FRMPD4: variants seen among roughly 807,000 people sequenced by gnomAD.
FRMPD4 encodes FERM and PDZ domain-containing protein 4.
Under a neutral mutation model 94.1 loss-of-function variants are expected in FRMPD4, and 22 were observed. The observed-to-expected ratio is 0.23, with a 90% CI of 0.17 to 0.33. The LOEUF (loss-of-function observed/expected upper bound fraction) is 0.33. Among genes scored for constraint, FRMPD4 ranks in the 10% least tolerant of loss-of-function variants. FRMPD4 has a pLI of 1.00. For synonymous variants in FRMPD4, 631 were observed against 548.6 expected (o/e 1.15, Z -2.10); for missense variants, 1,111 against 1,339.9 (o/e 0.83, Z 2.67).
chrX:12,693,839 G>T (rs940160842), intron 8 of FRMPD4, among the ~76,000 whole-genome samples: 1 of 111,826 alleles, frequency 8.9e-6, no homozygotes, highest in South Asian at 3.8e-4. Flanking sequence ...CTTCTTCCAA[G>T]GACTGCCCTC....
At chrX:11,998,173 C>G (rs185396006) in intron 3 of FRMPD4, among the ~76,000 whole-genome samples, 8 of 111,601 alleles carry the variant, frequency 7.2e-5, no homozygotes, top group Non-Finnish European at 1.3e-4. Flanking sequence ...TGATTCCCAC[C>G]CCCTGCAAGG....
Position 12,721,449 on chromosome X carries a change from G to C in FRMPD4, c.4880G>C (p.Arg1627Thr). The C allele has an allele frequency of 4.0e-6, 3 of 755,141 alleles. No homozygotes were observed. The South Asian group carries it at 2.0e-4, about 51-fold the overall frequency. 62.2% of individuals were successfully genotyped at this position (755,141 alleles called of 1,213,427 possible). The change falls in exon 17 of 17, where the codon AGG (arginine) becomes ACG (threonine). Residue 1627 changes from arginine to threonine, a missense_variant. Arg to Thr is a moderately conservative substitution (Grantham distance 71). Around this residue, in one of 8 missense-constraint regions of FRMPD4, gnomAD observed 551 missense variants for 591.6 expected, o/e 0.93. Transcript: ENST00000675598. ...LCLVRATKEK[R>T]EESRPEAYDL... ...CTCGTCAGGGCAACCAAGGAGAAGA[G>C]GGAGGAGTCACGCCCTGAAGCGTAC... is the stretch of plus-strand genomic sequence containing the variant.
intron 1 of FRMPD4, among the ~76,000 whole-genome samples, chrX:12,313,884 T>C (rs193165535): frequency 1.1e-4 from 12 of 112,132 alleles, no homozygotes; most frequent in African/African-American, 3.9e-4. Flanking sequence ...CTAAAATTTC[T>C]CAGTCTTCAA....
chrX:12,430,958 G>T (rs1601936171), intron 1 of FRMPD4, among the ~76,000 whole-genome samples: 1 of 112,363 alleles, frequency 8.9e-6, no homozygotes, highest in African/African-American at 3.2e-5. Context: ...GGCTTCAGAG[G>T]AGTATTTGTA....
chrX:12,418,346 CTTTCTTTTT>C (rs1201603722), intron 1 of FRMPD4, among the ~76,000 whole-genome samples: 2 of 57,477 alleles, frequency 3.5e-5, no homozygotes, highest in African/African-American at 1.8e-4. Context: ...ATCAGTGTTT[CTTTCTTTTT>C]TTTTTTTTTT....
At chrX:12,703,129 T>C (rs2041817658) in intron 10 of FRMPD4, among the ~76,000 whole-genome samples, 1 of 112,822 alleles carries the variant, frequency 8.9e-6, no homozygotes, top group East Asian at 2.8e-4. Flanking sequence ...GTAAGAATCC[T>C]GAAAAGTCTG....
At chrX:11,895,683 C>T (rs901783567) in intron 3 of FRMPD4, among the ~76,000 whole-genome samples, 5 of 111,543 alleles carry the variant, frequency 4.5e-5, no homozygotes, top group African/African-American at 1.6e-4. Context: ...CGTGAAGGTT[C>T]GTTTACATTA....
intron 5 of FRMPD4, among the ~76,000 whole-genome samples, chrX:12,681,630 G>A (rs917691572): frequency 3.6e-5 from 4 of 109,633 alleles, no homozygotes; most frequent in African/African-American, 6.7e-5. Context: ...GGATGGGATC[G>A]GTGTGGAGGG....
chrX:12,290,352 G>A (rs1190662487), intron 1 of FRMPD4, among the ~76,000 whole-genome samples: 1 of 112,276 alleles, frequency 8.9e-6, no homozygotes, highest in African/African-American at 3.2e-5. Context: ...AAAACCATGT[G>A]CTCAATTCCT....
intron 3 of FRMPD4, among the ~76,000 whole-genome samples, chrX:11,958,127 A>C (rs1472692876): frequency 8.9e-6 from 1 of 111,920 alleles, no homozygotes; most frequent in South Asian, 3.7e-4. Context: ...AATACAGGCT[A>C]CCAGACCCAT....
At chrX:12,164,301 T>G (rs1168408710) in intron 1 of FRMPD4, among the ~76,000 whole-genome samples, 7 of 110,833 alleles carry the variant, frequency 6.3e-5, no homozygotes, top group African/African-American at 2.3e-4. Flanking sequence ...GCGGTGTTTG[T>G]TTTTTTTGTC....
intron 4 of FRMPD4, among the ~76,000 whole-genome samples, chrX:12,631,368 A>G (rs2059394323): frequency 8.9e-6 from 1 of 112,532 alleles, no homozygotes; most frequent in Admixed American, 9.4e-5. Context: ...ACTATAATTT[A>G]TTATTCTTGT....
intron 1 of FRMPD4, among the ~76,000 whole-genome samples, chrX:12,210,618 CT>C (rs2056744040): frequency 9.0e-6 from 1 of 111,077 alleles, no homozygotes; most frequent in Non-Finnish European, 1.9e-5. Flanking sequence ...AGCTTCTTAA[CT>C]TACATTTGAA....
At chrX:12,417,548 C>T in intron 1 of FRMPD4, among the ~76,000 whole-genome samples, 1 of 84,171 alleles carries the variant, frequency 1.2e-5, no homozygotes, top group African/African-American at 4.5e-5. Context: ...CATCATACTC[C>T]AACCTGGGGG....
At chrX:12,550,727 CTCAAT>C (rs887543998) in intron 2 of FRMPD4, among the ~76,000 whole-genome samples, 1 of 110,359 alleles carries the variant, frequency 9.1e-6, no homozygotes, top group African/African-American at 3.3e-5. Context: ...AATAATACTC[CTCAAT>C]TCATAGAACA....
chrX:12,143,797 T>C (rs2055725481), intron 1 of FRMPD4, among the ~76,000 whole-genome samples: 2 of 112,526 alleles, frequency 1.8e-5, no homozygotes, highest in Admixed American at 9.4e-5. Context: ...ATAGACCTTA[T>C]CTTTATTGAA....
At chrX:12,205,947 G>A (rs1386821916) in intron 1 of FRMPD4, among the ~76,000 whole-genome samples, 1 of 112,292 alleles carries the variant, frequency 8.9e-6, no homozygotes, top group East Asian at 2.8e-4. Context: ...ATGTAAATAA[G>A]GAAGTCCCAG....
intron 3 of FRMPD4, among the ~76,000 whole-genome samples, chrX:12,005,031 C>T (rs190332851): frequency 8.9e-6 from 1 of 112,439 alleles, no homozygotes; most frequent in East Asian, 2.8e-4. Flanking sequence ...AGACTCATAT[C>T]TAACTTTAGG....
At position 12,476,266 on chromosome X, in the gene FRMPD4, G is replaced by A. The variant is rs1601996263; in HGVS notation, c.42-22414G>A. Among the ~76,000 whole-genome samples the A allele has an allele frequency of 3.6e-5, 4 of 111,898 alleles. No homozygotes were observed. In the South Asian group the frequency reaches 1.5e-3, roughly 42 times the overall value. On this transcript the variant is annotated intron_variant, in intron 1 of 16. Coordinates refer to ENST00000675598, the MANE Select transcript of FRMPD4 (RefSeq NM_001368397.1). ...TGGGAAAACTGGCTGGCCATATGTAGAAAGCTGAGACTGGATCCCTTCCTT... is the reference window on the plus strand; with the variant it reads ...TGGGAAAACTGGCTGGCCATATGTAAAAAGCTGAGACTGGATCCCTTCCTT...
Sources: allele counts gnomAD v4.1 joint callset (sites outside exome capture counted in the v4.1 genomes callset), GRCh38; gene constraint gnomAD v4.1.1; regional missense constraint gnomAD v4.1.1; transcripts MANE v1.5; gene names NCBI Gene and HGNC (gene_info 2026-07-23, HGNC 2026-07-21).